The following KIF6 variants were observed in gnomAD, a reference collection of about 807,000 sequenced individuals.
KIF6 encodes kinesin-like protein KIF6.
Under a neutral mutation model 112.7 loss-of-function variants are expected in KIF6, and 106 were observed. The observed-to-expected ratio is 0.94, with a 90% CI of 0.80 to 1.11. The LOEUF (loss-of-function observed/expected upper bound fraction) is 1.11. KIF6 is among the 50% of genes least tolerant of loss of function. The probability of loss-of-function intolerance (pLI) is 0.00; values close to 1 mark genes in which losing one functional copy is unlikely to be tolerated. For missense variants in KIF6, 929 were observed against 964.0 expected (o/e 0.96, Z 0.48); for synonymous variants, 339 against 339.9 (o/e 1.00, Z 0.03).
At chr6:39,663,046 G>A (rs552279750) in intron 3 of KIF6, among the ~76,000 whole-genome samples, 165 of 151,868 alleles carry the variant, frequency 1.1e-3, no homozygotes, top group Middle Eastern at 3.4e-3. Flanking sequence ...GGTGCACACC[G>A]CCATGCCTGG....
intron 16 of KIF6, among the ~76,000 whole-genome samples, chr6:39,368,512 TA>T (rs1765738008): frequency 6.6e-6 from 1 of 152,156 alleles, no homozygotes; most frequent in Non-Finnish European, 1.5e-5. Context: ...TCGTCGTTGG[TA>T]TTTGAAGGTG....
At chr6:39,427,201 C>T (rs1408435882) in intron 14 of KIF6, among the ~76,000 whole-genome samples, 2 of 152,196 alleles carry the variant, frequency 1.3e-5, no homozygotes, top group Non-Finnish European at 2.9e-5. Context: ...AACTGCCCAT[C>T]TTCCCACAGT....
chr6:39,367,971 AC>A (rs148048703), intron 16 of KIF6, among the ~76,000 whole-genome samples: 191 of 152,226 alleles, frequency 1.3e-3, no homozygotes, highest in African/African-American at 4.1e-3. Context: ...TCCAATGCTC[AC>A]CCCTTGTTAA....
At chr6:39,621,932 G>C (rs1482361339) in intron 5 of KIF6, among the ~76,000 whole-genome samples, 1 of 152,088 alleles carries the variant, frequency 6.6e-6, no homozygotes, top group East Asian at 1.9e-4. Flanking sequence ...TTGGGAAGCC[G>C]AGGTGGGTGG....
In KIF6 at chr6:39,335,563, AT is replaced by A. The variant is rs139304973; in HGVS notation, c.*968del. The stretch of plus-strand genomic sequence containing the variant: ...CCAGCACTTTTATCCAGTTAGCTTC[AT>A]TTCCAGGTGCCACTCCTGCTCACCC... On this transcript the variant is annotated 3_prime_UTR_variant, in exon 23 of 23. Coordinates refer to ENST00000287152, the MANE Select transcript of KIF6 (RefSeq NM_145027.6). 0.11 allele frequency: 16,271 copies of A among 152,016 alleles called. 961 individuals carry two copies. Among genetic ancestry groups the A allele is most frequent in the Middle Eastern group, 0.23 (68 of 296 alleles). The allele number at this position is 152,016 out of a possible 1,614,324, so 9.4% of individuals were successfully genotyped here. A position where few individuals can be genotyped will look rare whatever the true frequency, so the allele number is the denominator to read the frequency against.
rs116544872 is a variant in KIF6 at position 39,583,622 on chromosome 6, T to G, written c.1077+1276A>C. The G allele has an allele frequency of 3.7e-3, 1,271 of 339,620 alleles. 6 individuals are homozygous for G. Among genetic ancestry groups the G allele is most frequent in the Non-Finnish European group, 5.7e-3 (902 of 159,598 alleles). The allele number at this position is 339,620 out of a possible 1,614,324, so 21.0% of individuals were successfully genotyped here. ...TGGGTAACAATTAATTTGTTGGTTT[T>G]TTTTTGATTTGAGAAATTTATAAGT... On this transcript the variant is annotated intron_variant, in intron 9 of 22. Coordinates refer to ENST00000287152, the MANE Select transcript of KIF6 (RefSeq NM_145027.6).
intron 15 of KIF6, among the ~76,000 whole-genome samples, chr6:39,405,751 T>C (rs1020355030): frequency 2.6e-5 from 4 of 152,328 alleles, no homozygotes; most frequent in Non-Finnish European, 5.9e-5. Context: ...AGAGATTATA[T>C]AAAATTGGTG....
At chr6:39,598,774 G>A (rs1782426668) in intron 6 of KIF6, among the ~76,000 whole-genome samples, 1 of 152,124 alleles carries the variant, frequency 6.6e-6, no homozygotes, top group African/African-American at 2.4e-5. Context: ...TCAAATTACA[G>A]AGATGTTAAA....
At chr6:39,608,975 A>G (rs1442348923) in intron 6 of KIF6, among the ~76,000 whole-genome samples, 1 of 152,180 alleles carries the variant, frequency 6.6e-6, no homozygotes, top group Non-Finnish European at 1.5e-5. Flanking sequence ...GGCCTGTCCA[A>G]ATGTTATTTA....
chr6:39,621,477 C>T (rs546443128), intron 5 of KIF6, among the ~76,000 whole-genome samples: 11 of 152,296 alleles, frequency 7.2e-5, no homozygotes, highest in South Asian at 6.2e-4. Flanking sequence ...TAGGAACTCT[C>T]GTTGCATCTC....
At chr6:39,667,867 C>T (rs899596927) in intron 3 of KIF6, among the ~76,000 whole-genome samples, 5 of 152,048 alleles carry the variant, frequency 3.3e-5, no homozygotes, top group African/African-American at 1.2e-4. Flanking sequence ...AATGTAATCC[C>T]CAGTAATGGA....
chr6:39,706,789 A>T (rs1237830531), intron 3 of KIF6, among the ~76,000 whole-genome samples: 1 of 152,240 alleles, frequency 6.6e-6, no homozygotes, highest in Non-Finnish European at 1.5e-5. Flanking sequence ...AACTTGGAAA[A>T]AAAACAAAAT....
intron 13 of KIF6, among the ~76,000 whole-genome samples, chr6:39,529,948 C>G (rs1777949383): frequency 6.6e-6 from 1 of 152,214 alleles, no homozygotes; most frequent in Non-Finnish European, 1.5e-5. Flanking sequence ...TAATGCTTTT[C>G]TCAACCTACT....
At chr6:39,494,011 T>G (rs141537016) in intron 13 of KIF6, among the ~76,000 whole-genome samples, 62 of 152,354 alleles carry the variant, frequency 4.1e-4, no homozygotes, top group African/African-American at 1.3e-3. Flanking sequence ...CCAAGAACAT[T>G]AAGAAGTTTC....
intron 2 of KIF6, chr6:39,715,025 A>G (rs1440015789): frequency 3.2e-6 from 1 of 313,248 alleles, no homozygotes; most frequent in African/African-American, 2.2e-5. Context: ...GCTTTGAACC[A>G]AATAACAAAT....
At chr6:39,440,640 G>A (rs1771860164) in intron 13 of KIF6, among the ~76,000 whole-genome samples, 1 of 152,156 alleles carries the variant, frequency 6.6e-6, no homozygotes, top group African/African-American at 2.4e-5. Context: ...TAGTTGGAGA[G>A]AACTGAGGTC....
chr6:39,666,716 T>A (rs568308685), intron 3 of KIF6, among the ~76,000 whole-genome samples: 9 of 152,306 alleles, frequency 5.9e-5, no homozygotes, highest in African/African-American at 1.7e-4. Context: ...CATGGTGTTA[T>A]GTGTGAAGGG....
intron 3 of KIF6, among the ~76,000 whole-genome samples, chr6:39,665,771 T>G (rs1786429564): frequency 6.6e-6 from 1 of 152,178 alleles, no homozygotes; most frequent in Non-Finnish European, 1.5e-5. Flanking sequence ...ACATTAATTT[T>G]CTATGTGACG....
rs944349033 is a variant in KIF6, at chr6:39,331,849, T to G, written c.*4683A>C. 2.6e-5 allele frequency: 4 copies of G among 152,246 alleles called. No individual in the cohort carries two copies. Among genetic ancestry groups the G allele is most frequent in the Non-Finnish European group, 5.9e-5 (4 of 68,050 alleles). 9.4% of individuals were successfully genotyped at this position (152,246 alleles called of 1,614,324 possible). A position where few individuals can be genotyped will look rare whatever the true frequency, so the allele number is the denominator to read the frequency against. Reference sequence around the variant, plus strand: ...AAGGAATTACAAGGAGCATTTTTTCTGCCTAGATTTGAAACACACACCCAT... The same window carrying G: ...AAGGAATTACAAGGAGCATTTTTTCGGCCTAGATTTGAAACACACACCCAT... On this transcript the variant is annotated 3_prime_UTR_variant, in exon 23 of 23. Coordinates refer to ENST00000287152, the MANE Select transcript of KIF6 (RefSeq NM_145027.6).
Sources: allele counts gnomAD v4.1 joint callset (sites outside exome capture counted in the v4.1 genomes callset), GRCh38; gene constraint gnomAD v4.1.1; transcripts MANE v1.5; gene names NCBI Gene and HGNC (gene_info 2026-07-23, HGNC 2026-07-21).